Variants in CCDC178 observed in about 807,000 individuals in gnomAD.
CCDC178 encodes the protein coiled-coil domain-containing protein 178.
Under a neutral mutation model 117.4 loss-of-function variants are expected in CCDC178, and 126 were observed. That is an observed-to-expected ratio of 1.07 (90% CI 0.93 to 1.24). The LOEUF (loss-of-function observed/expected upper bound fraction) is 1.24, where lower values mean the gene tolerates loss of function less well. Ranked by LOEUF, CCDC178 falls within the 50% of genes most tolerant of loss-of-function variation. The pLI is 0.00. For synonymous variants in CCDC178, 283 were observed against 313.4 expected (o/e 0.90, Z 1.02); for missense variants, 1,030 against 986.9 (o/e 1.04, Z -0.59).
chr18:33,414,905 C>G (rs993410443), intron 2 of CCDC178, among the ~76,000 whole-genome samples: 1 of 152,204 alleles, frequency 6.6e-6, no homozygotes, highest in Non-Finnish European at 1.5e-5. Flanking sequence ...TGAACAGACA[C>G]TTCTCAAAAG....
chr18:33,425,634 T>G (rs994213884), intron 2 of CCDC178, among the ~76,000 whole-genome samples: 2 of 152,214 alleles, frequency 1.3e-5, no homozygotes, highest in Non-Finnish European at 2.9e-5. Context: ...CTGTATCTGA[T>G]CCAATCAATT....
At chr18:33,316,201 T>TC (rs1411555258) in intron 11 of CCDC178, among the ~76,000 whole-genome samples, 1 of 152,152 alleles carries the variant, frequency 6.6e-6, no homozygotes, top group Non-Finnish European at 1.5e-5. Flanking sequence ...CGGAGCCAGC[T>TC]CCCTCAGCTT....
chr18:33,026,496 G>C (rs1267272551), intron 21 of CCDC178, among the ~76,000 whole-genome samples: 1 of 151,964 alleles, frequency 6.6e-6, no homozygotes, highest in East Asian at 1.9e-4. Flanking sequence ...TGGTGAAAGA[G>C]TTCACCCACA....
chr18:33,384,029 G>A (rs1436366659), intron 5 of CCDC178, among the ~76,000 whole-genome samples: 2 of 152,032 alleles, frequency 1.3e-5, no homozygotes, highest in Non-Finnish European at 2.9e-5. Flanking sequence ...ATGACCTGAT[G>A]GAGCTGAAAA....
Position 33,340,066 on chromosome 18 carries a change from C to A in CCDC178, c.658+6145G>T, listed in dbSNP as rs567420475. Among the ~76,000 whole-genome samples the A allele has an allele frequency of 5.9e-5, 9 of 152,202 alleles. No homozygotes were observed. The South Asian group carries it at 8.3e-4, about 14-fold the overall frequency. On this transcript the variant is annotated intron_variant, in intron 9 of 22. Coordinates refer to ENST00000383096, the MANE Select transcript of CCDC178 (RefSeq NM_001105528.4). ...AAAATGTGGGAAAGTTTGGAACCCC[C>A]TAGAGACTTGCTGAATGGCTTTGAC...
chr18:32,988,588 T>C (rs751376041), intron 21 of CCDC178, among the ~76,000 whole-genome samples: 1 of 152,078 alleles, frequency 6.6e-6, no homozygotes, highest in Non-Finnish European at 1.5e-5. Flanking sequence ...TTAAGAGCTT[T>C]TCATCCAAAT....
chr18:33,352,468 G>T (rs889224347), intron 7 of CCDC178, among the ~76,000 whole-genome samples: 3 of 151,742 alleles, frequency 2.0e-5, no homozygotes, highest in Non-Finnish European at 4.4e-5. Flanking sequence ...GCTAACTTTG[G>T]GTTTAGCATA....
chr18:33,288,674 G>A (rs1420620569), intron 12 of CCDC178, among the ~76,000 whole-genome samples: 1 of 151,932 alleles, frequency 6.6e-6, no homozygotes, highest in Admixed American at 6.6e-5. Flanking sequence ...AGGGGTAAAC[G>A]CAGAGTGTAG....
chr18:33,207,067 T>C (rs2059052598), intron 20 of CCDC178, among the ~76,000 whole-genome samples: 1 of 152,192 alleles, frequency 6.6e-6, no homozygotes, highest in African/African-American at 2.4e-5. Context: ...TGCTAGCATC[T>C]GTGAAACTAT....
At chr18:33,321,848 T>C (rs2062514420) in intron 11 of CCDC178, among the ~76,000 whole-genome samples, 1 of 151,986 alleles carries the variant, frequency 6.6e-6, no homozygotes, top group African/African-American at 2.4e-5. Context: ...TGGTCCACCC[T>C]TGAAAATATT....
chr18:32,994,708 G>A (rs1301541567), intron 21 of CCDC178, among the ~76,000 whole-genome samples: 1 of 152,144 alleles, frequency 6.6e-6, no homozygotes, highest in Admixed American at 6.5e-5. Flanking sequence ...AGGCAAATAG[G>A]TTTTGTCTCA....
chr18:33,245,654 A>G (rs76528997), intron 14 of CCDC178, among the ~76,000 whole-genome samples: 1 of 152,006 alleles, frequency 6.6e-6, no homozygotes, highest in East Asian at 1.9e-4. Context: ...CAGAAGCATA[A>G]GAGCATCAAT....
intron 21 of CCDC178, among the ~76,000 whole-genome samples, chr18:33,048,859 C>A (rs1275778202): frequency 6.6e-6 from 1 of 152,136 alleles, no homozygotes; most frequent in Non-Finnish European, 1.5e-5. Context: ...AAAATTCTCT[C>A]TTTAACTTTA....
At position 32,937,710 on chromosome 18, in the gene CCDC178, A is replaced by T. The variant is rs1415326893; in HGVS notation, c.*301T>A. On this transcript the variant is annotated 3_prime_UTR_variant, in exon 23 of 23. Coordinates refer to ENST00000383096, the MANE Select transcript of CCDC178 (RefSeq NM_001105528.4). ...ACAGTCACTGTCAACACCGCCAGTA[A>T]TTATTCTCTCTTCCAATTAATGGTG... is the stretch of plus-strand genomic sequence containing the variant. 1 of 321,756 alleles carries T rather than the reference A, an allele frequency of 3.1e-6. No homozygotes were observed. Among genetic ancestry groups the T allele is most frequent in the African/African-American group, 2.1e-5 (1 of 46,756 alleles). The allele number at this position is 321,756 out of a possible 1,614,324, so 19.9% of individuals were successfully genotyped here.
At chr18:33,110,462 C>T (rs1010272224) in intron 20 of CCDC178, among the ~76,000 whole-genome samples, 8 of 151,554 alleles carry the variant, frequency 5.3e-5, no homozygotes, top group African/African-American at 1.9e-4. Context: ...TTTAAAACAA[C>T]TCTGGCAATT....
At chr18:33,052,311 A>AGCAG (rs1382488632) in intron 21 of CCDC178, among the ~76,000 whole-genome samples, 1 of 152,238 alleles carries the variant, frequency 6.6e-6, no homozygotes, top group East Asian at 1.9e-4. Flanking sequence ...AATCATAAAC[A>AGCAG]GCAGGCATGT....
intron 21 of CCDC178, among the ~76,000 whole-genome samples, chr18:33,080,329 C>T (rs932755374): frequency 1.3e-5 from 2 of 152,018 alleles, no homozygotes; most frequent in East Asian, 1.9e-4. Flanking sequence ...TGTTTAGTAC[C>T]GGTGTGACAA....
At chr18:33,356,293 A>C in intron 7 of CCDC178, 31 bp downstream of exon 7, 3 of 1,459,848 alleles carry the variant, frequency 2.1e-6, no homozygotes, top group Non-Finnish European at 2.8e-6. Flanking sequence ...TTAAAAATAA[A>C]ATAGTTTTAA....
intron 15 of CCDC178, among the ~76,000 whole-genome samples, chr18:33,236,493 TTTC>T (rs547156280): frequency 6.0e-4 from 91 of 152,252 alleles, no homozygotes; most frequent in African/African-American, 2.1e-3. Flanking sequence ...TTGGGAATGG[TTTC>T]TTAAGTGGAC....
Sources: allele counts gnomAD v4.1 joint callset (sites outside exome capture counted in the v4.1 genomes callset), GRCh38; gene constraint gnomAD v4.1.1; transcripts MANE v1.5; gene names NCBI Gene and HGNC (gene_info 2026-07-23, HGNC 2026-07-21).